UBE2R2: variants seen among roughly 807,000 people sequenced by gnomAD.
The protein encoded by UBE2R2 is ubiquitin-conjugating enzyme E2 R2.
A neutral mutation model predicts 27.8 loss-of-function variants in UBE2R2; 1 was observed. That is an observed-to-expected ratio of 0.04 (90% CI 0.01 to 0.17). The LOEUF (loss-of-function observed/expected upper bound fraction) is 0.17, where lower values mean the gene tolerates loss of function less well. Ranked by LOEUF, UBE2R2 falls within the 10% of genes least tolerant of loss-of-function variation. The pLI is 1.00. For synonymous variants in UBE2R2, 106 were observed against 113.3 expected, an observed-to-expected ratio of 0.94 and a Z score of 0.41; for missense variants, 100 against 291.0, an observed-to-expected ratio of 0.34 and a Z score of 4.78.
chr9:33,895,843 G>A, intron 2 of UBE2R2, among the ~76,000 whole-genome samples: 1 of 132,914 alleles, frequency 7.5e-6, no homozygotes, highest in East Asian at 2.4e-4. Flanking sequence ...CTCGTACTCA[G>A]CTCACTGTAA....
At chr9:33,842,065 C>T (rs965430172) in intron 1 of UBE2R2, among the ~76,000 whole-genome samples, 1 of 152,058 alleles carries the variant, frequency 6.6e-6, no homozygotes, top group African/African-American at 2.4e-5. Context: ...GGCCAGGTAG[C>T]AGATGTTTTA....
chr9:33,859,736 A>G (rs554306353), intron 1 of UBE2R2, among the ~76,000 whole-genome samples: 1 of 150,210 alleles, frequency 6.7e-6, no homozygotes, highest in Non-Finnish European at 1.5e-5. Context: ...TTTAACATAC[A>G]GTCCTTGTGG....
intron 1 of UBE2R2, among the ~76,000 whole-genome samples, chr9:33,862,935 C>T (rs1821274223): frequency 1.3e-5 from 2 of 152,040 alleles, no homozygotes; most frequent in Admixed American, 6.6e-5. Flanking sequence ...CATGGTGGCT[C>T]ACATCTGCTT....
At chr9:33,872,054 T>G (rs1315357324) in intron 1 of UBE2R2, among the ~76,000 whole-genome samples, 1 of 151,992 alleles carries the variant, frequency 6.6e-6, no homozygotes, top group Non-Finnish European at 1.5e-5. Context: ...TAGGTCAAAT[T>G]TAAAACTTTA....
At chr9:33,824,600 C>T (rs1820262550) in intron 1 of UBE2R2, among the ~76,000 whole-genome samples, 1 of 145,896 alleles carries the variant, frequency 6.9e-6, no homozygotes, top group African/African-American at 2.6e-5. Flanking sequence ...TATCGAGGCA[C>T]TGCTCTCTAG....
intron 2 of UBE2R2, among the ~76,000 whole-genome samples, chr9:33,887,741 G>A (rs529499148): frequency 1.3e-5 from 2 of 152,128 alleles, no homozygotes; most frequent in Non-Finnish European, 2.9e-5. Flanking sequence ...GCGCAATCTC[G>A]CTCACTGCTA....
intron 1 of UBE2R2, among the ~76,000 whole-genome samples, chr9:33,859,362 A>C (rs1301952070): frequency 6.6e-6 from 1 of 152,144 alleles, no homozygotes; most frequent in East Asian, 1.9e-4. Flanking sequence ...TTTATATTGA[A>C]ATTTGCTTAG....
At chr9:33,818,503 G>A (rs34829934) in intron 1 of UBE2R2, 9,672 of 146,872 alleles carry the variant, frequency 0.066, 461 homozygotes, top group Non-Finnish European at 0.097. Flanking sequence ...AATGGGTGGT[G>A]GTGAAGAATG....
intron 1 of UBE2R2, among the ~76,000 whole-genome samples, chr9:33,858,455 G>A (rs1821155518): frequency 1.3e-5 from 2 of 152,072 alleles, no homozygotes; most frequent in South Asian, 2.1e-4. Flanking sequence ...CACTTTGTCA[G>A]CCATGCTGGA....
intron 1 of UBE2R2, among the ~76,000 whole-genome samples, chr9:33,872,929 CT>C (rs942407872): frequency 6.6e-6 from 1 of 151,916 alleles, no homozygotes; most frequent in African/African-American, 2.4e-5. Context: ...AATCCCAGCA[CT>C]TTAGGAGGCT....
intron 1 of UBE2R2, among the ~76,000 whole-genome samples, chr9:33,844,791 C>T (rs1237193965): frequency 1.3e-5 from 2 of 151,592 alleles, no homozygotes; most frequent in Non-Finnish European, 2.9e-5. Context: ...TTTTCTGAGA[C>T]AGTCTTGCTC....
chr9:33,867,451 A>C (rs930382866), intron 1 of UBE2R2, among the ~76,000 whole-genome samples: 7 of 152,210 alleles, frequency 4.6e-5, no homozygotes, highest in African/African-American at 1.7e-4. Flanking sequence ...GGACTTTTTG[A>C]ACCTTAGGCT....
intron 3 of UBE2R2, among the ~76,000 whole-genome samples, chr9:33,901,123 T>C (rs1822236648): frequency 6.6e-6 from 1 of 152,180 alleles, no homozygotes; most frequent in Non-Finnish European, 1.5e-5. Context: ...ACCTAGCTAT[T>C]AAGCAACTCT....
intron 1 of UBE2R2, among the ~76,000 whole-genome samples, chr9:33,830,488 T>G (rs1224721839): frequency 6.8e-6 from 1 of 148,088 alleles, no homozygotes; most frequent in Non-Finnish European, 1.5e-5. Flanking sequence ...CTTTGCTGAT[T>G]GGACGCGTTG....
intron 1 of UBE2R2, among the ~76,000 whole-genome samples, chr9:33,839,143 A>T (rs2130737082): frequency 6.6e-6 from 1 of 152,154 alleles, no homozygotes; most frequent in East Asian, 1.9e-4. Context: ...ATATGTTGAA[A>T]CATAATCCCC....
At position 33,912,121 on chromosome 9, in the gene UBE2R2, C is replaced by G. The variant is rs761292368; in HGVS notation, c.497+23C>G. On this transcript the variant is annotated intron_variant, in intron 4 of 4. Coordinates refer to ENST00000263228, the MANE Select transcript of UBE2R2 (RefSeq NM_017811.4). ...TAGGTAAGGTTTTTTTTTTTATTAC[C>G]TCAAGTTATACAAAACCAAAATATA... 36 of 1,591,030 alleles carry G rather than the reference C, an allele frequency of 2.3e-5. 1 individual carries two copies. The South Asian group carries it at 4.0e-4, about 18-fold the overall frequency.
chr9:33,835,486 A>T (rs1311293856), intron 1 of UBE2R2, among the ~76,000 whole-genome samples: 3 of 152,050 alleles, frequency 2.0e-5, no homozygotes, highest in Non-Finnish European at 1.5e-5. Flanking sequence ...TATATGCTGT[A>T]CTTCATTTCT....
At chr9:33,916,681 C>A (rs957501482) in intron 4 of UBE2R2, among the ~76,000 whole-genome samples, 1 of 152,206 alleles carries the variant, frequency 6.6e-6, no homozygotes, top group East Asian at 1.9e-4. Flanking sequence ...TAAGTCAATA[C>A]CTGTTCTGAT....
chr9:33,847,256 C>G (rs143226953), intron 1 of UBE2R2, among the ~76,000 whole-genome samples: 3 of 151,646 alleles, frequency 2.0e-5, no homozygotes, highest in African/African-American at 7.3e-5. Flanking sequence ...GCCACCATGC[C>G]CGGCTAATTT....
Sources: allele counts gnomAD v4.1 joint callset (sites outside exome capture counted in the v4.1 genomes callset), GRCh38; gene constraint gnomAD v4.1.1; transcripts MANE v1.5; gene names NCBI Gene and HGNC (gene_info 2026-07-23, HGNC 2026-07-21).